The following TNFRSF19 variants were observed in gnomAD, a reference collection of about 807,000 sequenced individuals.
The protein encoded by TNFRSF19 is TNF receptor superfamily member 19, also known as tumor necrosis factor receptor superfamily member 19.
A neutral mutation model predicts 46.4 loss-of-function variants in TNFRSF19; 27 were observed. The observed-to-expected ratio is 0.58, with a 90% confidence interval of 0.43 to 0.80. The LOEUF (loss-of-function observed/expected upper bound fraction) is 0.80. TNFRSF19 is among the 30% of genes least tolerant of loss of function. The pLI is 0.00. For missense variants in TNFRSF19, 511 were observed against 530.8 expected (o/e 0.96, Z 0.37); for synonymous variants, 204 against 205.0 (o/e 1.00, Z 0.04).
In TNFRSF19 at chr13:23,659,313, AC is replaced by A; in HGVS notation, c.610+101del. ...CACAAGAGACTTGGCTGAGACAAGCACCAGTGAGTTGTGAAAGAACGCAGGG... is the reference window on the plus strand; with the variant it reads ...CACAAGAGACTTGGCTGAGACAAGCACAGTGAGTTGTGAAAGAACGCAGGG... On this transcript the variant is annotated intron_variant, in intron 6 of 9. Transcript: ENST00000248484. The surrounding 1 kb of genome is among the most constrained non-coding windows in gnomAD (Gnocchi z 4.9). The A allele has an allele frequency of 7.5e-7, 1 of 1,339,208 alleles. No homozygotes were observed. 83.0% of individuals were successfully genotyped at this position (1,339,208 alleles called of 1,614,324 possible).
In TNFRSF19 at chr13:23,668,727, T is replaced by A; in HGVS notation, c.875T>A (p.Phe292Tyr). The change falls in exon 9 of 10, where the codon TTC becomes TAC. Residue 292 changes from phenylalanine to tyrosine, a missense_variant. Around this residue, in one of 3 missense-constraint regions of TNFRSF19, gnomAD observed 376 missense variants for 372.7 expected, o/e 1.01. Transcript: ENST00000248484. Reference sequence around the variant, plus strand: ...CCAGCCGGGGAGATGGTGCCGACTTTCTTCGGATCCCTCACGCAGTCCATC... The same window carrying A: ...CCAGCCGGGGAGATGGTGCCGACTTACTTCGGATCCCTCACGCAGTCCATC... ...AGPAGEMVPT[F>Y]FGSLTQSICG... 6.2e-7 allele frequency: 1 copy of A among 1,614,100 alleles called. No homozygotes were observed. The highest frequency in any genetic ancestry group is 8.5e-7 in the Non-Finnish European group (1 of 1,179,946).
At chr13:23,598,196 G>A (rs11617454) in intron 3 of TNFRSF19, among the ~76,000 whole-genome samples, 12,355 of 152,194 alleles carry the variant, frequency 0.081, 714 homozygotes, top group Middle Eastern at 0.12. Flanking sequence ...GAGAACACAT[G>A]GACACAGGGA....
Position 23,590,156 on chromosome 13 carries a change from C to T in TNFRSF19, c.-28C>T, listed in dbSNP as rs1348692188. On this transcript the variant is annotated 5_prime_UTR_variant, in exon 2 of 10. Coordinates refer to ENST00000248484, the MANE Select transcript of TNFRSF19 (RefSeq NM_148957.4). ...CTTCCTATCTTTTATTTAGAACTCT[C>T]CAACAATAAATACATTTGATAAGAA... 6.7e-7 allele frequency: 1 copy of T among 1,494,388 alleles called. No homozygotes were observed. Among genetic ancestry groups the T allele is most frequent in the Non-Finnish European group, 9.2e-7 (1 of 1,086,446 alleles). 92.6% of individuals were successfully genotyped at this position (1,494,388 alleles called of 1,614,324 possible).
At chr13:23,645,100 A>G (rs886770285) in intron 5 of TNFRSF19, among the ~76,000 whole-genome samples, 1 of 152,238 alleles carries the variant, frequency 6.6e-6, no homozygotes, top group South Asian at 2.1e-4. Flanking sequence ...GGAAGGGGCT[A>G]CAATGGGCAG....
At chr13:23,647,452 C>T (rs1883398273) in intron 5 of TNFRSF19, among the ~76,000 whole-genome samples, 2 of 152,122 alleles carry the variant, frequency 1.3e-5, no homozygotes, top group Admixed American at 1.3e-4. Flanking sequence ...ACCCAGGCTA[C>T]AGTGCAGTAG....
At chr13:23,579,246 G>C (rs1307949650) in intron 1 of TNFRSF19, 1 of 152,556 alleles carries the variant, frequency 6.6e-6, no homozygotes, top group Non-Finnish European at 1.5e-5. Flanking sequence ...TGTGCGCTGG[G>C]GGCGGGGCTC....
At chr13:23,585,110 C>T (rs934674382) in intron 1 of TNFRSF19, among the ~76,000 whole-genome samples, 56 of 152,150 alleles carry the variant, frequency 3.7e-4, no homozygotes, top group Admixed American at 1.1e-3. Flanking sequence ...AATTGTAAAA[C>T]TGCCAGTTGA....
At chr13:23,629,087 T>TA (rs572156124) in intron 5 of TNFRSF19, among the ~76,000 whole-genome samples, 100 of 64,250 alleles carry the variant, frequency 1.6e-3, no homozygotes, top group South Asian at 5.3e-3. Context: ...CACTTTGGGC[T>TA]TTTTTTTTTT....
chr13:23,672,702 AG>A (rs1951776802), intron 9 of TNFRSF19, among the ~76,000 whole-genome samples: 1 of 152,216 alleles, frequency 6.6e-6, no homozygotes, highest in Admixed American at 6.5e-5. Context: ...AAGTTAGTGA[AG>A]GGTTAATACA....
At chr13:23,605,663 T>G (rs953561325) in intron 3 of TNFRSF19, among the ~76,000 whole-genome samples, 6 of 152,180 alleles carry the variant, frequency 3.9e-5, no homozygotes, top group African/African-American at 1.4e-4. Flanking sequence ...TGAAAAGACA[T>G]AGAGGACCTT....
Position 23,590,164 on chromosome 13 carries a change from A to G in TNFRSF19, c.-20A>G. Reference sequence around the variant, plus strand: ...CTTTTATTTAGAACTCTCCAACAATAAATACATTTGATAAGAAAGATGGCT... The same window carrying G: ...CTTTTATTTAGAACTCTCCAACAATGAATACATTTGATAAGAAAGATGGCT... On this transcript the variant is annotated 5_prime_UTR_variant, in exon 2 of 10. It adds an upstream start codon to the 5' untranslated region. Transcript: ENST00000248484. The G allele has an allele frequency of 6.5e-7, 1 of 1,538,340 alleles. No homozygotes were observed. Among genetic ancestry groups the G allele is most frequent in the South Asian group, 1.2e-5 (1 of 84,648 alleles).
intron 4 of TNFRSF19, among the ~76,000 whole-genome samples, chr13:23,625,226 C>A (rs1386807020): frequency 1.3e-5 from 2 of 151,924 alleles, no homozygotes; most frequent in African/African-American, 4.8e-5. Context: ...GGACACCTGG[C>A]ATTCTATTGC....
At chr13:23,605,603 C>A (rs1446474432) in intron 3 of TNFRSF19, among the ~76,000 whole-genome samples, 1 of 152,066 alleles carries the variant, frequency 6.6e-6, no homozygotes, top group Non-Finnish European at 1.5e-5. Context: ...AGCTGTGATC[C>A]CTACAATGGA....
chr13:23,604,188 G>T (rs1880357018), intron 3 of TNFRSF19, among the ~76,000 whole-genome samples: 1 of 151,808 alleles, frequency 6.6e-6, no homozygotes. Context: ...ACAAAAGTCA[G>T]TAACTTTCAT....
intron 5 of TNFRSF19, among the ~76,000 whole-genome samples, chr13:23,652,513 G>C (rs1883711090): frequency 6.6e-6 from 1 of 152,168 alleles, no homozygotes; most frequent in African/African-American, 2.4e-5. Flanking sequence ...ACTAGAGAAG[G>C]CTAAGTTTTT....
intron 5 of TNFRSF19, among the ~76,000 whole-genome samples, chr13:23,631,076 A>G (rs1381628617): frequency 6.6e-6 from 1 of 152,192 alleles, no homozygotes; most frequent in Admixed American, 6.5e-5. Context: ...TTGCACCAAT[A>G]AGTAATAAAT....
intron 5 of TNFRSF19, among the ~76,000 whole-genome samples, chr13:23,643,161 T>G (rs1054659640): frequency 6.6e-6 from 1 of 152,268 alleles, no homozygotes; most frequent in Non-Finnish European, 1.5e-5. Context: ...TTAAAGCCAC[T>G]GGCTATTACC....
chr13:23,667,119 T>TTATATA (rs1951649405), intron 7 of TNFRSF19, among the ~76,000 whole-genome samples: 1 of 69,188 alleles, frequency 1.4e-5, no homozygotes, highest in African/African-American at 7.4e-5. Context: ...TAAATCAGAG[T>TTATATA]GATATATATA....
intron 5 of TNFRSF19, among the ~76,000 whole-genome samples, chr13:23,636,271 G>A (rs142163221): frequency 1.3e-5 from 2 of 152,116 alleles, no homozygotes; most frequent in African/African-American, 4.8e-5. Flanking sequence ...TGAAAATATT[G>A]CCAGGGGTCG....
Sources: allele counts gnomAD v4.1 joint callset (sites outside exome capture counted in the v4.1 genomes callset), GRCh38; gene constraint gnomAD v4.1.1; regional missense constraint gnomAD v4.1.1; non-coding constraint Gnocchi (gnomAD v3.1); transcripts MANE v1.5; gene names NCBI Gene and HGNC (gene_info 2026-07-23, HGNC 2026-07-21).